The following LNP1 variants were observed in gnomAD, a reference collection of about 807,000 sequenced individuals.
LNP1 encodes leukemia NUP98 fusion partner 1.
A neutral mutation model predicts 14.5 loss-of-function variants in LNP1; 12 were observed. That is an observed-to-expected ratio of 0.83 (90% CI 0.53 to 1.34). LNP1 has a LOEUF of 1.34. Ranked by LOEUF, LNP1 falls within the 40% of genes most tolerant of loss-of-function variation. The probability of loss-of-function intolerance (pLI) is 0.00; values close to 1 mark genes in which losing one functional copy is unlikely to be tolerated. For missense variants in LNP1, 198 were observed against 210.9 expected (o/e 0.94, Z 0.38); for synonymous variants, 75 against 71.4 (o/e 1.05, Z -0.26).
intron 2 of LNP1, among the ~76,000 whole-genome samples, chr3:100,446,043 C>G (rs1039510134): frequency 6.6e-6 from 1 of 152,160 alleles, no homozygotes; most frequent in Non-Finnish European, 1.5e-5. Context: ...TTTATAGATT[C>G]AATGCCATCC....
chr3:100,451,853 A>T lies in LNP1; in HGVS notation c.291A>T (p.Pro97=). ...CAGAGGATGGGTCATTCAAGGAGCC[A>T]CTGGAATCAAAAGGAAGATCCCATT... The part of the protein sequence containing the change: ...KYSEDGSFKE[P]LESKGRSHSK... Residue 97 remains proline, a synonymous_variant, in exon 3 of 4, where the codon CCA becomes CCT. Coordinates refer to ENST00000383693, the MANE Select transcript of LNP1 (RefSeq NM_001085451.2). The T allele has an allele frequency of 8.2e-7, 1 of 1,225,904 alleles. No individual in the cohort carries two copies. The highest frequency in any genetic ancestry group is 1.0e-6 in the Non-Finnish European group (1 of 969,574). The allele number at this position is 1,225,904 out of a possible 1,614,324, so 75.9% of individuals were successfully genotyped here.
intron 1 of LNP1, among the ~76,000 whole-genome samples, chr3:100,420,485 TA>T (rs1180188485): frequency 1.3e-5 from 2 of 151,620 alleles, no homozygotes; most frequent in South Asian, 2.1e-4. Context: ...CTAGTTTTTT[TA>T]AAAAAAATTT....
rs199657279 is a variant in LNP1 at position 100,452,600 on chromosome 3, C to T, written c.387+651C>T. Among the ~76,000 whole-genome samples the T allele has an allele frequency of 5.3e-5, 8 of 152,212 alleles. No homozygotes were observed. In the East Asian group the frequency reaches 1.5e-3, roughly 29 times the overall value. Reference sequence around the variant, plus strand: ...TTTGGAAAAAGAAAAAAAAACTGCCCCATGGCTTCTCTCCTTTCATATTTA... The same window carrying T: ...TTTGGAAAAAGAAAAAAAAACTGCCTCATGGCTTCTCTCCTTTCATATTTA... On this transcript the variant is annotated intron_variant, in intron 3 of 3. Transcript: ENST00000383693.
Position 100,451,967 on chromosome 3 carries a change from T to G in LNP1, c.387+18T>G. The G allele has an allele frequency of 6.5e-7, 1 of 1,549,590 alleles. No individual in the cohort carries two copies. Among genetic ancestry groups the G allele is most frequent in the African/African-American group, 1.4e-5 (1 of 72,632 alleles). On this transcript the variant is annotated intron_variant, in intron 3 of 3. Coordinates refer to ENST00000383693, the MANE Select transcript of LNP1 (RefSeq NM_001085451.2). ...CCTCTTTGGTATGTAACAGAGCTAC[T>G]GAATATTTAAGCCGCTTTAAAAAAG...
intron 1 of LNP1, among the ~76,000 whole-genome samples, chr3:100,422,276 C>T (rs760617242): frequency 5.3e-5 from 8 of 150,890 alleles, no homozygotes; most frequent in African/African-American, 9.8e-5. Context: ...CTTCGCCTCC[C>T]GGGTTCAGGC....
chr3:100,413,160 C>G (rs2148899586), intron 1 of LNP1, among the ~76,000 whole-genome samples: 1 of 152,326 alleles, frequency 6.6e-6, no homozygotes, highest in South Asian at 2.1e-4. Context: ...GTGGTCACTG[C>G]TACCACTTCC....
At position 100,431,990 on chromosome 3, in the gene LNP1, GTT is replaced by G. The variant is rs1337142219; in HGVS notation, c.156+2107_156+2108del. Among the ~76,000 whole-genome samples the G allele has an allele frequency of 1.0e-3, 95 of 94,906 alleles. 1 individual carries two copies. The highest frequency in any genetic ancestry group is 1.3e-3 in the East Asian group (4 of 3,152). The allele number at this position is 94,906 out of a possible 152,430, so 62.3% of individuals were successfully genotyped here. On this transcript the variant is annotated intron_variant, in intron 2 of 3. Coordinates refer to ENST00000383693, the MANE Select transcript of LNP1 (RefSeq NM_001085451.2). ...AACCTGGGTAACAGAATGAGACCTT[GTT>G]TATATATATATATATATATATATAT...
chr3:100,452,181 A>G (rs1234600345), intron 3 of LNP1, among the ~76,000 whole-genome samples: 2 of 151,612 alleles, frequency 1.3e-5, no homozygotes, highest in Non-Finnish European at 2.9e-5. Context: ...TTTTGTTACC[A>G]AAGTCTTCTA....
At chr3:100,454,199 G>A (rs1707487565) in intron 3 of LNP1, among the ~76,000 whole-genome samples, 1 of 152,052 alleles carries the variant, frequency 6.6e-6, no homozygotes, top group Non-Finnish European at 1.5e-5. Context: ...CTTTTTCACA[G>A]TTATATGTAA....
chr3:100,437,675 CTA>C (rs1707304697), intron 2 of LNP1, among the ~76,000 whole-genome samples: 1 of 152,056 alleles, frequency 6.6e-6, no homozygotes, highest in African/African-American at 2.4e-5. Context: ...TAGCATTAGA[CTA>C]TGTTATAAAA....
chr3:100,450,785 T>C (rs1707430085), intron 2 of LNP1, among the ~76,000 whole-genome samples: 1 of 152,192 alleles, frequency 6.6e-6, no homozygotes, highest in Non-Finnish European at 1.5e-5. Context: ...TCTTCCCTGT[T>C]GGAAGTGAGC....
intron 2 of LNP1, among the ~76,000 whole-genome samples, chr3:100,447,649 C>T (rs1367192935): frequency 1.3e-5 from 2 of 152,002 alleles, no homozygotes; most frequent in African/African-American, 4.8e-5. Context: ...CTTACACAGA[C>T]CTTTCACAAC....
At position 100,418,059 on chromosome 3, in the gene LNP1, A is replaced by ACTTTTTTTTTTTTTTTT. The variant is rs565769310; in HGVS notation, c.-33-11638_-33-11637insCTTTTTTTTTTTTTTTT. Among the ~76,000 whole-genome samples the ACTTTTTTTTTTTTTTTT allele has an allele frequency of 5.2e-5, 6 of 115,622 alleles. 2 individuals carry two copies. Among genetic ancestry groups the ACTTTTTTTTTTTTTTTT allele is most frequent in the African/African-American group, 6.5e-5 (2 of 30,766 alleles). 75.9% of individuals were successfully genotyped at this position (115,622 alleles called of 152,430 possible). A position where few individuals can be genotyped will look rare whatever the true frequency, so the allele number is the denominator to read the frequency against. On this transcript the variant is annotated intron_variant, in intron 1 of 3. Coordinates refer to ENST00000383693, the MANE Select transcript of LNP1 (RefSeq NM_001085451.2). ...GTTTTGTTCTTTCATTTCTCATACC[A>ACTTTTTTTTTTTTTTTT]TTTTTTTTTTTTTTTTTTGAGATGG...
At chr3:100,443,121 G>A (rs1172568046) in intron 2 of LNP1, among the ~76,000 whole-genome samples, 1 of 152,114 alleles carries the variant, frequency 6.6e-6, no homozygotes, top group African/African-American at 2.4e-5. Flanking sequence ...TCAGTTTGCA[G>A]GGCTTTATGA....
chr3:100,446,994 G>A (rs572866940), intron 2 of LNP1, among the ~76,000 whole-genome samples: 6 of 151,044 alleles, frequency 4.0e-5, no homozygotes, highest in Non-Finnish European at 7.4e-5. Flanking sequence ...CTTTTACACT[G>A]TTGGTGGGAG....
intron 3 of LNP1, among the ~76,000 whole-genome samples, chr3:100,452,602 A>G (rs1057039195): frequency 3.3e-5 from 5 of 152,130 alleles, no homozygotes; most frequent in African/African-American, 1.2e-4. Flanking sequence ...AAACTGCCCC[A>G]TGGCTTCTCT....
At chr3:100,430,037 A>G (rs966215916) in intron 2 of LNP1, 152 bp downstream of exon 2, 6 of 756,074 alleles carry the variant, frequency 7.9e-6, no homozygotes, top group Admixed American at 3.1e-5. Flanking sequence ...AATCTCTCTT[A>G]TTATTTCATC....
chr3:100,444,435 A>C (rs1165342690), intron 2 of LNP1, among the ~76,000 whole-genome samples: 1 of 152,210 alleles, frequency 6.6e-6, no homozygotes. Context: ...AGCCCTAAGA[A>C]AACCAAACAC....
intron 2 of LNP1, among the ~76,000 whole-genome samples, chr3:100,443,178 A>G (rs930851525): frequency 6.6e-6 from 1 of 152,152 alleles, no homozygotes; most frequent in Non-Finnish European, 1.5e-5. Context: ...AAACATGGGG[A>G]AAAAAAGAAG....
Sources: allele counts gnomAD v4.1 joint callset (sites outside exome capture counted in the v4.1 genomes callset), GRCh38; gene constraint gnomAD v4.1.1; transcripts MANE v1.5; gene names NCBI Gene and HGNC (gene_info 2026-07-23, HGNC 2026-07-21).